The following SNX29 variants were observed in gnomAD, a reference collection of about 807,000 sequenced individuals.
The protein encoded by SNX29 is sorting nexin-29.
In SNX29, 78 loss-of-function variants were observed where a neutral mutation model predicts 102.1. The observed-to-expected ratio is 0.76, with a 90% CI of 0.64 to 0.92. The LOEUF is 0.92. SNX29 is among the 40% of genes least tolerant of loss of function. The pLI is 0.00. For missense variants in SNX29, 1,280 were observed against 1,061.7 expected, an observed-to-expected ratio of 1.21 and a Z score of -2.86; for synonymous variants, 580 against 414.5, an observed-to-expected ratio of 1.40 and a Z score of -4.85.
intron 14 of SNX29, among the ~76,000 whole-genome samples, chr16:12,227,941 C>G (rs141141056): frequency 1.4e-5 from 2 of 138,584 alleles, no homozygotes; most frequent in East Asian, 2.3e-4. Context: ...GAAGTGAGGT[C>G]TCTGGACCAG....
intron 10 of SNX29, among the ~76,000 whole-genome samples, chr16:12,077,955 A>C (rs1288484476): frequency 6.6e-6 from 1 of 152,098 alleles, no homozygotes; most frequent in African/African-American, 2.4e-5. Flanking sequence ...ATCAACACAT[A>C]ACCTGGTTTT....
chr16:12,090,333 G>A (rs941049828), intron 11 of SNX29: 1 of 152,334 alleles, frequency 6.6e-6, no homozygotes, highest in African/African-American at 2.4e-5. Context: ...ACGGTGGGGA[G>A]CGGCGGGGCT....
chr16:12,083,333 AT>A (rs1437464428), intron 11 of SNX29, among the ~76,000 whole-genome samples: 1 of 149,238 alleles, frequency 6.7e-6, no homozygotes, highest in Non-Finnish European at 1.5e-5. Flanking sequence ...CTCAAAACTT[AT>A]TTTCTTACAG....
intron 18 of SNX29, among the ~76,000 whole-genome samples, chr16:12,462,355 A>G (rs1443114027): frequency 6.6e-6 from 1 of 152,190 alleles, no homozygotes; most frequent in East Asian, 1.9e-4. Context: ...ATCCAATTGT[A>G]TCTGGGGAGA....
At chr16:12,538,223 C>G (rs768140072) in intron 20 of SNX29, among the ~76,000 whole-genome samples, 1 of 152,110 alleles carries the variant, frequency 6.6e-6, no homozygotes, top group Admixed American at 6.6e-5. Context: ...TCATGCCATT[C>G]TTGTGCCTCA....
rs76419428 is a variant in SNX29, at chr16:12,396,660, G to T, written c.1900-1786G>T. On this transcript the variant is annotated intron_variant, in intron 16 of 20. Transcript: ENST00000566228. ...TTGTCTAGAACGGGGCGTGGCCTTA[G>T]AACCCTTTCTTTGCCCTTTTCCATC... is the stretch of plus-strand genomic sequence containing the variant. Among the ~76,000 whole-genome samples the T allele has an allele frequency of 6.8e-3, 1,037 of 152,296 alleles. 13 individuals are homozygous for T. The highest frequency in any genetic ancestry group is 0.024 in the African/African-American group (1,005 of 41,552).
chr16:12,402,080 A>G lies in SNX29; in HGVS notation c.1956-1368A>G, dbSNP rs13338714. ...TCTAGGCACTAATACAATTTCAGGG[A>G]CCTTTCCAGGAGGAAAGTGATTAGA... On this transcript the variant is annotated intron_variant, in intron 17 of 20. Transcript: ENST00000566228. Among the ~76,000 whole-genome samples, 1,314 of 152,332 alleles carry G rather than the reference A, an allele frequency of 8.6e-3. 22 individuals carry two copies. Among genetic ancestry groups the G allele is most frequent in the African/African-American group, 0.03 (1,257 of 41,568 alleles).
intron 18 of SNX29, among the ~76,000 whole-genome samples, chr16:12,441,174 G>A (rs7199006): frequency 0.44 from 64,717 of 146,408 alleles, 14,219 homozygotes; most frequent in African/African-American, 0.51. Context: ...TGCAAGCTCC[G>A]CCTCCTGGGT....
At chr16:12,395,617 A>C (rs1025879142) in intron 16 of SNX29, among the ~76,000 whole-genome samples, 1 of 152,160 alleles carries the variant, frequency 6.6e-6, no homozygotes. Context: ...AGAGATAGCC[A>C]TGTTGCTGAT....
At chr16:12,038,291 T>C (rs2057531259) in intron 4 of SNX29, among the ~76,000 whole-genome samples, 1 of 152,220 alleles carries the variant, frequency 6.6e-6, no homozygotes, top group South Asian at 2.1e-4. Flanking sequence ...ACAAGGTTTT[T>C]GTCTTCCTTG....
At chr16:12,162,355 G>A (rs1215936462) in intron 13 of SNX29, among the ~76,000 whole-genome samples, 3 of 152,118 alleles carry the variant, frequency 2.0e-5, no homozygotes, top group Admixed American at 2.0e-4. Flanking sequence ...GGCTGACTGG[G>A]CTTGTCCAGG....
intron 14 of SNX29, among the ~76,000 whole-genome samples, chr16:12,252,277 A>G (rs1184667080): frequency 1.3e-5 from 2 of 152,184 alleles, no homozygotes; most frequent in African/African-American, 4.8e-5. Flanking sequence ...CCTCCTGTCT[A>G]AAAGCTTTTG....
chr16:12,537,633 T>A (rs563228143), intron 20 of SNX29, among the ~76,000 whole-genome samples: 1 of 152,196 alleles, frequency 6.6e-6, no homozygotes, highest in Admixed American at 6.5e-5. Flanking sequence ...AGTTGGCAGC[T>A]TAGATATTAT....
chr16:12,039,593 C>T (rs2541581), intron 4 of SNX29, among the ~76,000 whole-genome samples: 47,151 of 151,936 alleles, frequency 0.31, 8,482 homozygotes, highest in African/African-American at 0.49. Flanking sequence ...TTCTGGAAGG[C>T]AGGTTCAAAG....
intron 1 of SNX29, among the ~76,000 whole-genome samples, chr16:11,995,562 C>G (rs1265833307): frequency 6.6e-6 from 1 of 151,386 alleles, no homozygotes; most frequent in Non-Finnish European, 1.5e-5. Context: ...CCCCCCCACC[C>G]CATCATGAAA....
intron 19 of SNX29, among the ~76,000 whole-genome samples, chr16:12,500,137 A>G (rs3865112): frequency 0.14 from 21,262 of 152,086 alleles, 1,576 homozygotes; most frequent in East Asian, 0.25. Flanking sequence ...GGCTACAGGC[A>G]CATGCCACCA....
At chr16:12,071,845 A>C (rs897620923) in intron 10 of SNX29, among the ~76,000 whole-genome samples, 23 of 152,182 alleles carry the variant, frequency 1.5e-4, no homozygotes, top group African/African-American at 4.1e-4. Context: ...CTTTTATTTC[A>C]TTGAGCAGTG....
intron 20 of SNX29, among the ~76,000 whole-genome samples, chr16:12,553,733 A>G (rs1460010511): frequency 2.6e-5 from 4 of 151,672 alleles, no homozygotes; most frequent in Non-Finnish European, 5.9e-5. Context: ...GATTATATGC[A>G]CATGCCACCA....
At chr16:12,267,739 A>C (rs1476944563) in intron 14 of SNX29, among the ~76,000 whole-genome samples, 1 of 152,134 alleles carries the variant, frequency 6.6e-6, no homozygotes, top group South Asian at 2.1e-4. Flanking sequence ...TTTTGGAGGG[A>C]GATCTGAGCT....
Sources: allele counts gnomAD v4.1 joint callset (sites outside exome capture counted in the v4.1 genomes callset), GRCh38; gene constraint gnomAD v4.1.1; transcripts MANE v1.5; gene names NCBI Gene and HGNC (gene_info 2026-07-23, HGNC 2026-07-21).